ARHGEF9: variants seen among roughly 807,000 people sequenced by gnomAD.
ARHGEF9 encodes the protein Cdc42 guanine nucleotide exchange factor 9.
A neutral mutation model predicts 41.3 loss-of-function variants in ARHGEF9; 2 were observed. That is an observed-to-expected ratio of 0.05 (90% CI 0.02 to 0.15). The LOEUF (loss-of-function observed/expected upper bound fraction) is 0.15. Ranked by LOEUF, ARHGEF9 falls within the 10% of genes least tolerant of loss-of-function variation. The pLI, the probability that ARHGEF9 is intolerant of heterozygous loss-of-function variation, is 1.00. For missense variants in ARHGEF9, 225 were observed against 424.7 expected, an observed-to-expected ratio of 0.53 and a Z score of 4.13; for synonymous variants, 160 against 154.4, an observed-to-expected ratio of 1.04 and a Z score of -0.27.
chrX:63,779,637 T>G (rs782566321), intron 1 of ARHGEF9, among the ~76,000 whole-genome samples: 1 of 111,800 alleles, frequency 8.9e-6, no homozygotes, highest in East Asian at 2.8e-4. Context: ...ACAAAAAGAC[T>G]GTCACTAGAA....
At chrX:63,728,544 T>C (rs781913474) in intron 1 of ARHGEF9, among the ~76,000 whole-genome samples, 73 of 112,566 alleles carry the variant, frequency 6.5e-4, no homozygotes, top group African/African-American at 2.3e-3. Context: ...AAACACAAAC[T>C]TAAATGTAAT....
At chrX:63,640,859 C>CGA (rs1556305226) in intron 9 of ARHGEF9, 1 of 111,636 alleles carries the variant, frequency 9.0e-6, no homozygotes, top group African/African-American at 3.3e-5. Context: ...AGCCAGCTTT[C>CGA]ATGGTTATCT....
chrX:63,677,128 G>A (rs183640568), intron 5 of ARHGEF9, among the ~76,000 whole-genome samples: 1 of 111,970 alleles, frequency 8.9e-6, no homozygotes, highest in East Asian at 2.8e-4. Context: ...GTCGGCAGGA[G>A]AAGAAAGGAA....
At chrX:63,756,788 C>T (rs1556447450) in intron 1 of ARHGEF9, among the ~76,000 whole-genome samples, 1 of 111,819 alleles carries the variant, frequency 8.9e-6, no homozygotes. Context: ...ATAATATAAA[C>T]AACTACAGTC....
chrX:63,769,493 CGTAA>C (rs1556453391), intron 1 of ARHGEF9, among the ~76,000 whole-genome samples: 1 of 111,928 alleles, frequency 8.9e-6, no homozygotes, highest in Non-Finnish European at 1.9e-5. Flanking sequence ...CAGAAATTTG[CGTAA>C]GTAACAAGAA....
At position 63,637,031 on chromosome X, in the gene ARHGEF9, C is replaced by A. The variant is rs2047341698; in HGVS notation, c.*997G>T. 4 of 297,526 alleles carry A rather than the reference C, an allele frequency of 1.3e-5. No individual in the cohort carries two copies. The highest frequency in any genetic ancestry group is 2.3e-5 in the Non-Finnish European group (4 of 170,352). 24.5% of individuals were successfully genotyped at this position (297,526 alleles called of 1,213,427 possible). A position where few individuals can be genotyped will look rare whatever the true frequency, so the allele number is the denominator to read the frequency against. ...AAATCCCTCTCCTGGGAGGCAGAAT[C>A]TCAACCTCTGCTTCCAGTTCAGATC... On this transcript the variant is annotated 3_prime_UTR_variant, in exon 10 of 10. Transcript: ENST00000671741.
chrX:63,713,922 T>A (rs2053128904), intron 2 of ARHGEF9, among the ~76,000 whole-genome samples: 1 of 111,634 alleles, frequency 9.0e-6, no homozygotes, highest in African/African-American at 3.3e-5. Context: ...ACTAATTATA[T>A]GAAGTATCAT....
At chrX:63,698,829 G>A (rs1173705848) in intron 3 of ARHGEF9, among the ~76,000 whole-genome samples, 1 of 112,019 alleles carries the variant, frequency 8.9e-6, no homozygotes, top group Non-Finnish European at 1.9e-5. Flanking sequence ...TTTAACTAAT[G>A]ATTTGTGCCC....
At chrX:63,720,673 A>C (rs782742998) in intron 2 of ARHGEF9, among the ~76,000 whole-genome samples, 4 of 112,026 alleles carry the variant, frequency 3.6e-5, no homozygotes, top group Non-Finnish European at 5.6e-5. Context: ...TGAGAAAGCA[A>C]GTCATTTCCA....
At chrX:63,768,465 A>G (rs1433661270) in intron 1 of ARHGEF9, among the ~76,000 whole-genome samples, 5 of 112,398 alleles carry the variant, frequency 4.4e-5, no homozygotes, top group Non-Finnish European at 7.5e-5. Flanking sequence ...TCTTTTTGAT[A>G]TAATGACTTC....
At chrX:63,690,811 G>A (rs2051297186) in intron 4 of ARHGEF9, among the ~76,000 whole-genome samples, 1 of 111,727 alleles carries the variant, frequency 9.0e-6, no homozygotes, top group South Asian at 3.7e-4. Flanking sequence ...TCATCCCAGG[G>A]ACAAAAGTTT....
intron 9 of ARHGEF9, chrX:63,640,420 C>A (rs1479750232): frequency 1.4e-4 from 16 of 111,367 alleles, no homozygotes; most frequent in Admixed American, 8.6e-4. Flanking sequence ...ACATTTTATT[C>A]TTTTTCGAGA....
At chrX:63,684,980 G>A (rs1556373845) in intron 4 of ARHGEF9, among the ~76,000 whole-genome samples, 2 of 109,779 alleles carry the variant, frequency 1.8e-5, no homozygotes, top group African/African-American at 6.6e-5. Flanking sequence ...TGAGGGGGTG[G>A]GAGAAAATGG....
chrX:63,761,891 G>T (rs2056039964), intron 1 of ARHGEF9, among the ~76,000 whole-genome samples: 1 of 111,971 alleles, frequency 8.9e-6, no homozygotes, highest in South Asian at 3.7e-4. Context: ...AAGCTAGTAG[G>T]CCAGACCATC....
intron 9 of ARHGEF9, chrX:63,642,250 T>G (rs1220526539): frequency 9.0e-6 from 1 of 111,338 alleles, no homozygotes; most frequent in Admixed American, 9.6e-5. Context: ...GCCTGAAAAC[T>G]TCAGTTGGCT....
chrX:63,679,998 C>T (rs868964790), intron 4 of ARHGEF9, among the ~76,000 whole-genome samples: 1 of 112,136 alleles, frequency 8.9e-6, no homozygotes, highest in Non-Finnish European at 1.9e-5. Context: ...TGTGTCAGGA[C>T]ACAAAGTCAA....
chrX:63,751,728 GAAATC>G (rs1569503432), intron 1 of ARHGEF9, among the ~76,000 whole-genome samples: 1 of 111,839 alleles, frequency 8.9e-6, no homozygotes, highest in Non-Finnish European at 1.9e-5. Flanking sequence ...CAGCATTTGT[GAAATC>G]CTTATAGGTC....
intron 4 of ARHGEF9, among the ~76,000 whole-genome samples, chrX:63,696,468 G>T (rs2051754852): frequency 9.0e-6 from 1 of 111,044 alleles, no homozygotes. Flanking sequence ...ACAGATACAG[G>T]ACTCAAATCG....
At chrX:63,771,431 G>A (rs1418942378) in intron 1 of ARHGEF9, among the ~76,000 whole-genome samples, 1 of 112,085 alleles carries the variant, frequency 8.9e-6, no homozygotes, top group African/African-American at 3.2e-5. Flanking sequence ...CTGAGCCACC[G>A]TGCTCAGATA....
Sources: allele counts gnomAD v4.1 joint callset (sites outside exome capture counted in the v4.1 genomes callset), GRCh38; gene constraint gnomAD v4.1.1; transcripts MANE v1.5; gene names NCBI Gene and HGNC (gene_info 2026-07-23, HGNC 2026-07-21).